APEH: variants seen among roughly 807,000 people sequenced by gnomAD.
APEH encodes the protein acylamino-acid-releasing enzyme.
In APEH, 75 loss-of-function variants were observed where a neutral mutation model predicts 102.7. The ratio of observed to expected loss-of-function variants is 0.73; its 90% CI spans 0.61 to 0.89. The LOEUF is 0.89. Among genes scored for constraint, APEH ranks in the 40% least tolerant of loss-of-function variants. The pLI is 0.00. For synonymous variants in APEH, 344 were observed against 362.7 expected, an observed-to-expected ratio of 0.95 and a Z score of 0.59; for missense variants, 863 against 941.2, an observed-to-expected ratio of 0.92 and a Z score of 1.09.
chr3:49,679,660 G>A lies in APEH; in HGVS notation c.1210+16G>A. On this transcript the variant is annotated intron_variant, in intron 13 of 21. Transcript: ENST00000296456. The surrounding 1 kb of genome is among the most constrained non-coding windows in gnomAD (Gnocchi z 4.3). ...CTCACAGCTGGTGAGCAAGGCTTTG[G>A]GGATGGGGGTAAGGGCAGGGCTGGT... The A allele has an allele frequency of 6.2e-7, 1 of 1,613,138 alleles. No homozygotes were observed. The highest frequency in any genetic ancestry group is 8.5e-7 in the Non-Finnish European group (1 of 1,179,256).
intron 14 of APEH, 28 bp downstream of exon 14, chr3:49,680,657 G>A: frequency 6.3e-7 from 1 of 1,599,400 alleles, no homozygotes; most frequent in South Asian, 1.1e-5. Context: ...CCAGGCTGTG[G>A]AGGCAGGGGT....
In APEH at chr3:49,675,222, G is replaced by T. The variant is rs774550491; in HGVS notation, c.185G>T (p.Arg62Leu). 1 of 1,614,016 alleles carries T rather than the reference G, an allele frequency of 6.2e-7. No individual in the cohort carries two copies. The highest frequency in any genetic ancestry group is 8.5e-7 in the Non-Finnish European group (1 of 1,179,978). The change falls in exon 3 of 22, where the codon CGA becomes CTA. Residue 62 changes from arginine (R) to leucine (L), a missense_variant. Physicochemically the swap from Arg to Leu is moderately radical, Grantham distance 102 (BLOSUM62 -2). Coordinates refer to ENST00000296456, the MANE Select transcript of APEH (RefSeq NM_001640.4). The stretch of plus-strand genomic sequence containing the variant: ...GACCTGGAACGCATGGAGAACATTC[G>T]ATTCTGCCGCCAATACCTGGTGTTC... ...QRDLERMENI[R>L]FCRQYLVFHD...
rs2053047450 is a variant in APEH, at chr3:49,676,293, C to T, written c.606+74C>T. 5 of 1,611,258 alleles carry T rather than the reference C, an allele frequency of 3.1e-6. No homozygotes were observed. The South Asian group carries it at 3.3e-5, about 11-fold the overall frequency. ...AGTGTGCTCCCTTCCCATACTGTGC[C>T]TGTCAGACCTGGGGAGGCACTAGCT... On this transcript the variant is annotated intron_variant, in intron 6 of 21. Transcript: ENST00000296456.
chr3:49,676,418 T>G lies in APEH; in HGVS notation c.647T>G (p.Met216Arg). 1.9e-6 allele frequency: 3 copies of G among 1,614,230 alleles called. No individual in the cohort carries two copies. Among genetic ancestry groups the G allele is most frequent in the Non-Finnish European group, 2.5e-6 (3 of 1,180,036 alleles). The stretch of plus-strand genomic sequence containing the variant: ...TTTTATGAAGACTGGGGAGAAAACA[T>G]GGTTTCCAAAAGCATCCCTGTGCTC... Reference protein sequence around the residue: ...FVFYEDWGENMVSKSIPVLCV... With the variant: ...FVFYEDWGENRVSKSIPVLCV... The change falls in exon 7 of 22, where the codon ATG (methionine) becomes AGG (arginine). Residue 216 changes from methionine (M) to arginine (R), a missense_variant. Physicochemically the swap from Met to Arg is moderately conservative, Grantham distance 91. Coordinates refer to ENST00000296456, the MANE Select transcript of APEH (RefSeq NM_001640.4).
chr3:49,680,569 C>T lies in APEH; in HGVS notation c.1239C>T (p.Leu413=). 5 of 1,614,074 alleles carry T rather than the reference C, an allele frequency of 3.1e-6. No individual in the cohort carries two copies. The highest frequency in any genetic ancestry group is 4.2e-6 in the Non-Finnish European group (5 of 1,180,014). The change falls in exon 14 of 22, where the codon CTC becomes CTT. Residue 413 remains leucine (L), a synonymous_variant. Coordinates refer to ENST00000296456, the MANE Select transcript of APEH (RefSeq NM_001640.4). ...GGTCAGGTGGGAGCTGGAAGTTGCT[C>T]ACAATTGACCAGGACCTCATGGTGG... ...AGGSGGSWKL[L]TIDQDLMVAQ...
chr3:49,675,088 A>T, intron 2 of APEH, 95 bp from the exon 3 acceptor site: 2 of 1,517,516 alleles, frequency 1.3e-6, no homozygotes, highest in Non-Finnish European at 1.8e-6. Context: ...GAGATTGGGG[A>T]AGATAGATCT....
rs2053227939 is a variant in APEH, at chr3:49,679,603, C to A, written c.1169C>A (p.Ala390Asp). Residue 390 changes from alanine to aspartate, a missense_variant, in exon 13 of 22, where the codon GCT (alanine) becomes GAT (aspartate). Coordinates refer to ENST00000296456, the MANE Select transcript of APEH (RefSeq NM_001640.4). The surrounding 1 kb of genome is among the most constrained non-coding windows in gnomAD (Gnocchi z 4.3). ...SAQRSRQDLFAVDTQVGTVTS... is the reference protein window; with the variant it reads ...SAQRSRQDLFDVDTQVGTVTS... ...TTGCCTCTGCTTCAGGACCTGTTTG[C>A]TGTGGACACCCAAGTGGGCACTGTG... is the stretch of plus-strand genomic sequence containing the variant. The A allele has an allele frequency of 3.7e-6, 6 of 1,613,910 alleles. No individual in the cohort carries two copies. The highest frequency in any genetic ancestry group is 5.1e-6 in the Non-Finnish European group (6 of 1,179,834).
intron 2 of APEH, 34 bp downstream of exon 2, chr3:49,674,655 G>A (rs1401313071): frequency 6.3e-7 from 1 of 1,582,314 alleles, no homozygotes; most frequent in Non-Finnish European, 8.5e-7. Flanking sequence ...CTGGCGACGG[G>A]GTCGCGCACT....
chr3:49,682,369 G>T lies in APEH; in HGVS notation c.1625G>T (p.Gly542Val). ...VLLVNYRGST[G>V]FGQDSILSLP... The stretch of plus-strand genomic sequence containing the variant: ...TCAGTGAACTATCGTGGCTCCACGG[G>T]CTTTGGCCAGGACAGCATCCTCTCC... The change falls in exon 18 of 22, where the codon GGC becomes GTC. Residue 542 changes from glycine (G) to valine (V), a missense_variant. Gly to Val is a moderately radical substitution (Grantham distance 109). Coordinates refer to ENST00000296456, the MANE Select transcript of APEH (RefSeq NM_001640.4). 6.2e-7 allele frequency: 1 copy of T among 1,613,814 alleles called. No individual in the cohort carries two copies. The highest frequency in any genetic ancestry group is 8.5e-7 in the Non-Finnish European group (1 of 1,179,848).
chr3:49,681,586 G>T, intron 15 of APEH, 136 bp from the exon 16 acceptor site: 1 of 772,792 alleles, frequency 1.3e-6, no homozygotes, highest in Admixed American at 3.0e-5. Context: ...GCCTTCTGGG[G>T]TCCATGTGTC....
Position 49,681,179 on chromosome 3 carries a change from G to A in APEH, c.1378G>A (p.Asp460Asn), listed in dbSNP as rs774720399. 8 of 1,610,342 alleles carry A rather than the reference G, an allele frequency of 5.0e-6. No individual in the cohort carries two copies. The highest frequency in any genetic ancestry group is 1.3e-5 in the African/African-American group (1 of 74,878). Residue 460 changes from aspartate to asparagine, a missense_variant, in exon 15 of 22, where the codon GAC becomes AAC. Asp to Asn is a conservative substitution (Grantham distance 23). Coordinates refer to ENST00000296456, the MANE Select transcript of APEH (RefSeq NM_001640.4). ...CCTGGAGGAGGCCGAGCCCATTCCCGACATCCACTGGGGCATCCGGGTGCT... is the reference window on the plus strand; with the variant it reads ...CCTGGAGGAGGCCGAGCCCATTCCCAACATCCACTGGGGCATCCGGGTGCT... ...VSLEEAEPIP[D>N]IHWGIRVLQP...
intron 3 of APEH, 121 bp from the exon 4 acceptor site, chr3:49,675,573 G>A: frequency 9.1e-7 from 1 of 1,093,210 alleles, no homozygotes; most frequent in Non-Finnish European, 1.4e-6. Context: ...GGGGCTAGAG[G>A]TGCTCCAGAA....
At chr3:49,681,402 G>A (rs138273610) in intron 15 of APEH, among the ~76,000 whole-genome samples, 163 bp downstream of exon 15, 1,639 of 152,328 alleles carry the variant, frequency 0.011, 30 homozygotes, top group Middle Eastern at 0.044. Context: ...GTAGCATCTA[G>A]ACATCTGAGC....
At position 49,678,837 on chromosome 3, in the gene APEH, C is replaced by G; in HGVS notation, c.1061-15C>G. ...TCCACTCCTGGATGCAGCCTCAGCC[C>G]TCCTATCTTTACAGAGAACTTCTCT... On this transcript the variant is annotated splice_polypyrimidine_tract_variant and intron_variant, in intron 11 of 21. Coordinates refer to ENST00000296456, the MANE Select transcript of APEH (RefSeq NM_001640.4). 6.2e-7 allele frequency: 1 copy of G among 1,603,566 alleles called. No individual in the cohort carries two copies. The highest frequency in any genetic ancestry group is 2.2e-5 in the East Asian group (1 of 44,838).
intron 11 of APEH, 72 bp downstream of exon 11, chr3:49,677,705 G>A (rs2053131305): frequency 1.4e-6 from 2 of 1,420,196 alleles, no homozygotes; most frequent in Non-Finnish European, 2.0e-6. Flanking sequence ...TTGCATCCCT[G>A]CCCCGTTCTT....
At chr3:49,681,628 C>G in intron 15 of APEH, 94 bp from the exon 16 acceptor site, 1 of 1,224,774 alleles carries the variant, frequency 8.2e-7, no homozygotes, top group Non-Finnish European at 1.1e-6. Flanking sequence ...AGGTCTCTGA[C>G]CCAGAGGTCA....
At chr3:49,682,267 A>G in intron 17 of APEH, 81 bp from the exon 18 acceptor site, 1 of 1,368,068 alleles carries the variant, frequency 7.3e-7, no homozygotes, top group Non-Finnish European at 1.0e-6. Flanking sequence ...CCCAGGGCCT[A>G]CTTCACAGAT....
rs1184855145 is a variant in APEH at position 49,674,621 on chromosome 3, G to GGT, written c.145+8_145+9dup. On this transcript the variant is annotated frameshift_variant and splice_region_variant. Coordinates refer to ENST00000296456, the MANE Select transcript of APEH (RefSeq NM_001640.4). LOFTEE classifies it high-confidence loss of function. ...CGGCCAATACCGGACGGTGCACACTGGTGTGTGTGCGAAGGGGAACTGGCT... is the reference window on the plus strand; with the variant it reads ...CGGCCAATACCGGACGGTGCACACTGGTGTGTGTGTGCGAAGGGGAACTGGCT... 1.3e-6 allele frequency: 2 copies of GGT among 1,586,448 alleles called. No individual in the cohort carries two copies. Among genetic ancestry groups the GGT allele is most frequent in the Non-Finnish European group, 1.7e-6 (2 of 1,175,724 alleles).
At position 49,676,883 on chromosome 3, in the gene APEH, C is replaced by G. The variant is rs769757486; in HGVS notation, c.878-20C>G. 14 of 1,614,114 alleles carry G rather than the reference C, an allele frequency of 8.7e-6. No individual in the cohort carries two copies. The highest frequency in any genetic ancestry group is 1.2e-5 in the Non-Finnish European group (14 of 1,180,050). ...TGGCCCTGCCAGCCTGCGTGATGCT[C>G]ATGTTTCCATCTGGCCCAGAGCTCC... On this transcript the variant is annotated intron_variant, in intron 9 of 21. Transcript: ENST00000296456.
Sources: allele counts gnomAD v4.1 joint callset (sites outside exome capture counted in the v4.1 genomes callset), GRCh38; gene constraint gnomAD v4.1.1; non-coding constraint Gnocchi (gnomAD v3.1); transcripts MANE v1.5; gene names NCBI Gene and HGNC (gene_info 2026-07-23, HGNC 2026-07-21).